Variants in RAPGEF5 observed in about 807,000 individuals in gnomAD.
RAPGEF5 encodes the protein Rap guanine nucleotide exchange factor 5, also known as M-Ras-regulated GEF.
Under a neutral mutation model 125.2 loss-of-function variants are expected in RAPGEF5, and 65 were observed. The observed-to-expected ratio is 0.52, with a 90% CI of 0.43 to 0.64. RAPGEF5 has a LOEUF of 0.64. Among genes scored for constraint, RAPGEF5 ranks in the 30% least tolerant of loss-of-function variants. The pLI, the probability that RAPGEF5 is intolerant of heterozygous loss-of-function variation, is 0.00. For synonymous variants in RAPGEF5, 391 were observed against 385.9 expected (o/e 1.01, Z -0.16); for missense variants, 958 against 1,048.1 (o/e 0.91, Z 1.19).
chr7:22,321,993 A>G (rs1382755815), intron 1 of RAPGEF5, among the ~76,000 whole-genome samples: 1 of 152,182 alleles, frequency 6.6e-6, no homozygotes, highest in Non-Finnish European at 1.5e-5. Flanking sequence ...AGAATTATCC[A>G]GTCGTCAAAG....
Position 22,162,401 on chromosome 7 carries a change from A to G in RAPGEF5, c.1424T>C (p.Leu475Ser). Residue 475 changes from leucine (L) to serine (S), a missense_variant, in exon 13 of 26, where the codon TTA becomes TCA. By Grantham distance (145) the Leu-to-Ser change is moderately radical. Coordinates refer to ENST00000665637, the MANE Select transcript of RAPGEF5 (RefSeq NM_012294.5). Reference sequence around the variant, plus strand: ...TATCTGGAAATGTTTGATTACCTTTAAAAACATTTTTGAATGTTCATCTTC... The same window carrying G: ...TATCTGGAAATGTTTGATTACCTTTGAAAACATTTTTGAATGTTCATCTTC... ...LPEDEHSKMF[L>S]KTIYRNVLDD... The G allele has an allele frequency of 1.3e-6, 2 of 1,580,804 alleles. No homozygotes were observed. The highest frequency in any genetic ancestry group is 2.2e-5 in the South Asian group (2 of 89,374).
At chr7:22,306,218 C>T (rs1401514153) in intron 5 of RAPGEF5, among the ~76,000 whole-genome samples, 8 of 152,148 alleles carry the variant, frequency 5.3e-5, no homozygotes, top group African/African-American at 1.9e-4. Flanking sequence ...TTTGTAATTG[C>T]TGTCTTTTGA....
chr7:22,342,456 G>C (rs965325090), intron 1 of RAPGEF5, among the ~76,000 whole-genome samples: 2 of 152,152 alleles, frequency 1.3e-5, no homozygotes, highest in Non-Finnish European at 1.5e-5. Flanking sequence ...ATTAACATTA[G>C]GCTCCGCATT....
At chr7:22,346,585 G>C (rs546999270) in intron 1 of RAPGEF5, among the ~76,000 whole-genome samples, 1 of 152,132 alleles carries the variant, frequency 6.6e-6, no homozygotes, top group Non-Finnish European at 1.5e-5. Context: ...CTAAGTGTTA[G>C]GCAATCACAA....
chr7:22,253,075 G>A (rs113666990), intron 7 of RAPGEF5, among the ~76,000 whole-genome samples: 129 of 152,196 alleles, frequency 8.5e-4, no homozygotes, highest in African/African-American at 3.0e-3. Flanking sequence ...ACAGAAGAAC[G>A]ATCTCTGGAA....
intron 6 of RAPGEF5, among the ~76,000 whole-genome samples, chr7:22,281,708 C>T (rs1003548112): frequency 6.6e-6 from 1 of 152,180 alleles, no homozygotes; most frequent in Admixed American, 6.5e-5. Context: ...TTCAATGAAA[C>T]CAAGATAGCC....
At chr7:22,144,597 G>C (rs1179070134) in intron 20 of RAPGEF5, among the ~76,000 whole-genome samples, 1 of 152,184 alleles carries the variant, frequency 6.6e-6, no homozygotes, top group Admixed American at 6.5e-5. Flanking sequence ...GGTGGGGCCA[G>C]CCAGTGCAGG....
At chr7:22,140,819 C>G (rs1032658869) in intron 20 of RAPGEF5, among the ~76,000 whole-genome samples, 1 of 152,116 alleles carries the variant, frequency 6.6e-6, no homozygotes, top group African/African-American at 2.4e-5. Context: ...AGGGGGAGCT[C>G]GGGATTTCAC....
In RAPGEF5 at chr7:22,283,611, GAGA is replaced by G. The variant is rs1415780617; in HGVS notation, c.747+7561_747+7563del. On this transcript the variant is annotated intron_variant, in intron 6 of 25. Transcript: ENST00000665637. Reference sequence around the variant, plus strand: ...TTTAAAGCTCCGTCGGCTTCTTTCAGAGAAGATTTCACATTAACACTTCACAAA... The same window carrying G: ...TTTAAAGCTCCGTCGGCTTCTTTCAGAGATTTCACATTAACACTTCACAAA... Among the ~76,000 whole-genome samples, 7 of 152,178 alleles carry G rather than the reference GAGA, an allele frequency of 4.6e-5. No homozygotes were observed. In the East Asian group the frequency reaches 9.6e-4, roughly 21 times the overall value.
At chr7:22,182,403 A>G (rs1188819615) in intron 11 of RAPGEF5, among the ~76,000 whole-genome samples, 1 of 152,220 alleles carries the variant, frequency 6.6e-6, no homozygotes, top group African/African-American at 2.4e-5. Context: ...TGTCAAACCC[A>G]CAACTGACAC....
intron 7 of RAPGEF5, among the ~76,000 whole-genome samples, chr7:22,244,209 C>T (rs192733644): frequency 9.9e-5 from 15 of 151,680 alleles, no homozygotes; most frequent in Admixed American, 9.8e-4. Context: ...TGTGTATATA[C>T]ATATATATAT....
chr7:22,136,184 C>A, intron 22 of RAPGEF5, 59 bp from the exon 23 acceptor site: 4 of 1,239,808 alleles, frequency 3.2e-6, no homozygotes, highest in South Asian at 2.7e-5. Flanking sequence ...AGAAACAATT[C>A]TAAATCCACC....
Position 22,146,924 on chromosome 7 carries a change from A to G in RAPGEF5, c.1980T>C (p.Asp660=), listed in dbSNP as rs1360573907. The G allele has an allele frequency of 3.7e-6, 6 of 1,613,470 alleles. No homozygotes were observed. Among genetic ancestry groups the G allele is most frequent in the East Asian group, 2.2e-5 (1 of 44,886 alleles). Residue 660 remains aspartate, a synonymous_variant, in exon 19 of 26, where the codon GAT becomes GAC. Transcript: ENST00000665637. ...CGTGAATTGAATTGAATAGACTCCA[A>G]TCAAAATTCATTAATTCCAGAGCAA... is the stretch of plus-strand genomic sequence containing the variant. The part of the protein sequence containing the change: ...WDLALELMNF[D]WSLFNSIHEQ...
At chr7:22,337,624 G>T (rs1335735239) in intron 1 of RAPGEF5, among the ~76,000 whole-genome samples, 1 of 152,140 alleles carries the variant, frequency 6.6e-6, no homozygotes, top group Non-Finnish European at 1.5e-5. Flanking sequence ...CTTGGCCCAC[G>T]GCCCGGAATG....
intron 14 of RAPGEF5, 73 bp from the exon 15 acceptor site, chr7:22,157,958 T>G: frequency 7.0e-7 from 1 of 1,432,902 alleles, no homozygotes; most frequent in South Asian, 1.2e-5. Flanking sequence ...TACGGAAGAC[T>G]AATTTTCCAG....
rs545227368 is a variant in RAPGEF5, at chr7:22,136,031, T to C, written c.2416+7A>G. On this transcript the variant is annotated splice_region_variant and intron_variant, in intron 23 of 25. Transcript: ENST00000665637. ...ATTACATGGCATAAAAGATAGAAAA[T>C]CATTACCTTTAAGCAATAAGGGCAT... The C allele has an allele frequency of 5.7e-6, 9 of 1,581,642 alleles. No homozygotes were observed. The highest frequency in any genetic ancestry group is 7.8e-6 in the Non-Finnish European group (9 of 1,154,512).
At chr7:22,326,871 C>T (rs56094394) in intron 1 of RAPGEF5, among the ~76,000 whole-genome samples, 72,008 of 151,958 alleles carry the variant, frequency 0.47, 17,081 homozygotes, top group East Asian at 0.55. Context: ...ACGTTAAGTG[C>T]TCTTACCACA....
intron 6 of RAPGEF5, among the ~76,000 whole-genome samples, chr7:22,280,977 A>G (rs1782661244): frequency 6.6e-6 from 1 of 152,202 alleles, no homozygotes. Context: ...TTGCCTGAAA[A>G]TATACTTCTG....
chr7:22,170,585 G>C (rs987228705), intron 11 of RAPGEF5, among the ~76,000 whole-genome samples: 3 of 152,128 alleles, frequency 2.0e-5, no homozygotes, highest in Non-Finnish European at 4.4e-5. Context: ...AGATTAAAAA[G>C]AACACCATTA....
Sources: allele counts gnomAD v4.1 joint callset (sites outside exome capture counted in the v4.1 genomes callset), GRCh38; gene constraint gnomAD v4.1.1; transcripts MANE v1.5; gene names NCBI Gene and HGNC (gene_info 2026-07-23, HGNC 2026-07-21).